Variants in MECOM observed in about 807,000 individuals in gnomAD.
MECOM encodes the protein MDS1 and EVI1 complex locus, also known as histone-lysine N-methyltransferase MECOM.
Under a neutral mutation model 116.3 loss-of-function variants are expected in MECOM, and 13 were observed. That is an observed-to-expected ratio of 0.11 (90% CI 0.07 to 0.18). MECOM has a LOEUF of 0.18. Among genes scored for constraint, MECOM ranks in the 10% least tolerant of loss-of-function variants. The probability of loss-of-function intolerance (pLI) is 1.00; values close to 1 mark genes in which losing one functional copy is unlikely to be tolerated. For missense variants in MECOM, 1,299 were observed against 1,509.0 expected, an observed-to-expected ratio of 0.86 and a Z score of 2.31; for synonymous variants, 528 against 535.2, an observed-to-expected ratio of 0.99 and a Z score of 0.19.
intron 2 of MECOM, among the ~76,000 whole-genome samples, chr3:169,293,556 G>A (rs1047501426): frequency 6.6e-6 from 1 of 152,146 alleles, no homozygotes; most frequent in African/African-American, 2.4e-5. Context: ...CCTGCTCAGA[G>A]GGGCTACACC....
chr3:169,157,179 G>A (rs1742127425), intron 2 of MECOM, among the ~76,000 whole-genome samples: 1 of 152,156 alleles, frequency 6.6e-6, no homozygotes, highest in South Asian at 2.1e-4. Context: ...ACCTAAAAAG[G>A]TGTATACTAA....
chr3:169,557,218 GT>G (rs1385370844), intron 1 of MECOM, among the ~76,000 whole-genome samples: 1 of 152,076 alleles, frequency 6.6e-6, no homozygotes, highest in African/African-American at 2.4e-5. Context: ...GAAATCCTAT[GT>G]TCCCTCCCCT....
chr3:169,231,533 C>T (rs967927489), intron 2 of MECOM, among the ~76,000 whole-genome samples: 3 of 152,056 alleles, frequency 2.0e-5, no homozygotes, highest in Non-Finnish European at 4.4e-5. Flanking sequence ...AAACTTCAGA[C>T]AGCTATAGTC....
chr3:169,365,184 T>G (rs894183034), intron 2 of MECOM, among the ~76,000 whole-genome samples: 1 of 152,010 alleles, frequency 6.6e-6, no homozygotes, highest in Admixed American at 6.6e-5. Flanking sequence ...TTTATCTTAT[T>G]TATTTGTTAC....
chr3:169,171,489 CAG>C (rs1294576620), intron 2 of MECOM, among the ~76,000 whole-genome samples: 9 of 152,110 alleles, frequency 5.9e-5, no homozygotes, highest in South Asian at 2.1e-4. Flanking sequence ...TGTTTTATGA[CAG>C]AGTTATAAAG....
intron 2 of MECOM, among the ~76,000 whole-genome samples, chr3:169,285,148 C>T (rs1344764134): frequency 6.6e-6 from 1 of 152,142 alleles, no homozygotes; most frequent in East Asian, 1.9e-4. Flanking sequence ...CTACCTAACT[C>T]CCCAGGGCCC....
intron 1 of MECOM, among the ~76,000 whole-genome samples, chr3:169,507,241 TCTC>T (rs1163288069): frequency 2.0e-5 from 3 of 152,188 alleles, no homozygotes; most frequent in Non-Finnish European, 2.9e-5. Flanking sequence ...AACTTCTCTT[TCTC>T]CTCAGACAAG....
intron 1 of MECOM, among the ~76,000 whole-genome samples, chr3:169,478,401 C>T (rs1750796970): frequency 6.6e-6 from 1 of 152,130 alleles, no homozygotes; most frequent in Admixed American, 6.5e-5. Flanking sequence ...CTAGAGTAAC[C>T]AGCCTATCTC....
At chr3:169,575,274 T>C (rs898743543) in intron 1 of MECOM, among the ~76,000 whole-genome samples, 10 of 152,158 alleles carry the variant, frequency 6.6e-5, no homozygotes, top group Non-Finnish European at 1.5e-4. Context: ...AAAATGATTT[T>C]TAAAAGGAGC....
chr3:169,138,374 A>G (rs978064859), intron 3 of MECOM, among the ~76,000 whole-genome samples: 2 of 152,144 alleles, frequency 1.3e-5, no homozygotes, highest in African/African-American at 4.8e-5. Context: ...ACATGAAGGA[A>G]ACTTCACTGG....
intron 1 of MECOM, among the ~76,000 whole-genome samples, chr3:169,546,358 T>G (rs1184375541): frequency 6.6e-6 from 1 of 152,216 alleles, no homozygotes; most frequent in Admixed American, 6.5e-5. Context: ...AATATACAAT[T>G]TTCTATAAAT....
chr3:169,617,583 T>G (rs1770170274), intron 1 of MECOM, among the ~76,000 whole-genome samples: 1 of 152,192 alleles, frequency 6.6e-6, no homozygotes, highest in Non-Finnish European at 1.5e-5. Flanking sequence ...ACCCCAACAC[T>G]TTAGAGCAAC....
intron 2 of MECOM, among the ~76,000 whole-genome samples, chr3:169,361,303 A>C (rs1003051541): frequency 6.6e-6 from 1 of 151,828 alleles, no homozygotes; most frequent in Non-Finnish European, 1.5e-5. Context: ...CAATGTTTCA[A>C]ATATGTTAGG....
intron 1 of MECOM, among the ~76,000 whole-genome samples, chr3:169,522,821 T>G (rs1757509490): frequency 6.6e-6 from 1 of 152,222 alleles, no homozygotes; most frequent in Non-Finnish European, 1.5e-5. Flanking sequence ...TGGCCAGATT[T>G]TATAAGTAGT....
chr3:169,380,048 T>C (rs558537861), intron 2 of MECOM, among the ~76,000 whole-genome samples: 1 of 152,274 alleles, frequency 6.6e-6, no homozygotes, highest in Non-Finnish European at 1.5e-5. Flanking sequence ...GAATTGCTTT[T>C]ATTATGGCAT....
intron 2 of MECOM, among the ~76,000 whole-genome samples, chr3:169,177,516 C>T: frequency 6.6e-6 from 1 of 152,086 alleles, no homozygotes; most frequent in Non-Finnish European, 1.5e-5. Flanking sequence ...TCAATAGGTG[C>T]AGCAAACCAT....
At chr3:169,368,084 C>T (rs1351329723) in intron 2 of MECOM, among the ~76,000 whole-genome samples, 7 of 151,996 alleles carry the variant, frequency 4.6e-5, no homozygotes, top group Admixed American at 2.0e-4. Flanking sequence ...TATTTGCACA[C>T]GTCTCTTTAT....
At chr3:169,094,173 A>C (rs553512157) in intron 13 of MECOM, among the ~76,000 whole-genome samples, 10 of 152,316 alleles carry the variant, frequency 6.6e-5, no homozygotes, top group Admixed American at 6.5e-4. Context: ...AAGATCATAA[A>C]TAATGTGCCT....
In MECOM at chr3:169,202,819, CAAAAAAAAA is replaced by C. The variant is rs11287862; in HGVS notation, c.376-58996_376-58988del. Among the ~76,000 whole-genome samples, 565 of 90,288 alleles carry C rather than the reference CAAAAAAAAA, an allele frequency of 6.3e-3. 4 individuals carry two copies. The highest frequency in any genetic ancestry group is 0.019 in the East Asian group (67 of 3,578). 59.2% of individuals were successfully genotyped at this position (90,288 alleles called of 152,430 possible). On this transcript the variant is annotated intron_variant, in intron 2 of 16. Transcript: ENST00000651503. Reference sequence around the variant, plus strand: ...ATCTGGTAAAATACCTTGCCATTAGCAAAAAAAAAAAAAAAAAAAAAAGAGTTAACAATT... The same window carrying C: ...ATCTGGTAAAATACCTTGCCATTAGCAAAAAAAAAAAAAGAGTTAACAATT...
Sources: allele counts gnomAD v4.1 joint callset (sites outside exome capture counted in the v4.1 genomes callset), GRCh38; gene constraint gnomAD v4.1.1; transcripts MANE v1.5; gene names NCBI Gene and HGNC (gene_info 2026-07-23, HGNC 2026-07-21).